Variants in TMEM38A observed in about 807,000 individuals in gnomAD.
TMEM38A encodes trimeric intracellular cation channel type A.
A neutral mutation model predicts 28.6 loss-of-function variants in TMEM38A; 17 were observed. The observed-to-expected ratio is 0.60, with a 90% confidence interval of 0.41 to 0.89. The LOEUF (loss-of-function observed/expected upper bound fraction) is 0.89, where lower values mean the gene tolerates loss of function less well. Among genes scored for constraint, TMEM38A ranks in the 40% least tolerant of loss-of-function variants. The pLI is 0.00. For synonymous variants in TMEM38A, 169 were observed against 166.1 expected (o/e 1.02, Z -0.14); for missense variants, 328 against 393.1 (o/e 0.83, Z 1.40).
At chr19:16,676,539 C>G (rs2086752291) in intron 1 of TMEM38A, among the ~76,000 whole-genome samples, 2 of 151,982 alleles carry the variant, frequency 1.3e-5, no homozygotes, top group African/African-American at 4.8e-5. Flanking sequence ...CAAAACGAAA[C>G]TAGTTGGGAA....
At chr19:16,686,512 C>G in intron 5 of TMEM38A, 107 bp downstream of exon 5, 4 of 825,004 alleles carry the variant, frequency 4.8e-6, no homozygotes, top group South Asian at 1.6e-5. Flanking sequence ...GTGGCTGGGA[C>G]AGGCAGCCCA....
chr19:16,666,105 C>T (rs975292543), intron 1 of TMEM38A, among the ~76,000 whole-genome samples: 1 of 152,016 alleles, frequency 6.6e-6, no homozygotes, highest in Non-Finnish European at 1.5e-5. Flanking sequence ...CTCAGCCTCC[C>T]GAGAAGCTGG....
intron 5 of TMEM38A, among the ~76,000 whole-genome samples, chr19:16,687,722 G>A (rs1471035071): frequency 6.6e-6 from 1 of 152,096 alleles, no homozygotes; most frequent in Non-Finnish European, 1.5e-5. Flanking sequence ...TGTCTTTCCT[G>A]AGGGCTCCAC....
Position 16,680,550 on chromosome 19 carries a change from G to A in TMEM38A, c.435G>A (p.Trp145Ter). Residue 145 changes from tryptophan (W) to a stop codon, truncating the protein, a stop_gained, in exon 3 of 6, where the codon TGG (tryptophan) becomes TGA (stop). Coordinates refer to ENST00000187762, the MANE Select transcript of TMEM38A (RefSeq NM_024074.4). LOFTEE classifies it high-confidence loss of function. ...CCCATCACCACTACCACCACGGGTG[G>A]TTCGTCATGATTGCAACTGGGTGGG... The part of the protein sequence containing the change: ...HHAHHHYHHG[W>*]FVMIATGWVK... 1 of 1,614,146 alleles carries A rather than the reference G, an allele frequency of 6.2e-7. No individual in the cohort carries two copies. Among genetic ancestry groups the A allele is most frequent in the Non-Finnish European group, 8.5e-7 (1 of 1,180,000 alleles).
chr19:16,665,625 G>A (rs982129976), intron 1 of TMEM38A, among the ~76,000 whole-genome samples: 1 of 152,192 alleles, frequency 6.6e-6, no homozygotes, highest in African/African-American at 2.4e-5. Flanking sequence ...GGGATCATTG[G>A]TAAGAGAACC....
At chr19:16,678,578 G>A (rs374016064) in intron 1 of TMEM38A, among the ~76,000 whole-genome samples, 14 of 151,766 alleles carry the variant, frequency 9.2e-5, no homozygotes, top group African/African-American at 2.9e-4. Context: ...TGGGCAACAT[G>A]GCGAAACCCC....
Position 16,680,094 on chromosome 19 carries a change from G to C in TMEM38A, c.235G>C (p.Asp79His). The change falls in exon 2 of 6, where the codon GAT becomes CAT. Residue 79 changes from aspartate to histidine, a missense_variant. By Grantham distance (81) the Asp-to-His change is moderately conservative. Coordinates refer to ENST00000187762, the MANE Select transcript of TMEM38A (RefSeq NM_024074.4). Reference sequence around the variant, plus strand: ...TCTGCTCCTTGGGGAGCCACTGATCGATTACTTCAGCAACAACTCCAGCAT... The same window carrying C: ...TCTGCTCCTTGGGGAGCCACTGATCCATTACTTCAGCAACAACTCCAGCAT... ...ADLLLGEPLI[D>H]YFSNNSSILL... 1 of 1,610,848 alleles carries C rather than the reference G, an allele frequency of 6.2e-7. No individual in the cohort carries two copies. Among genetic ancestry groups the C allele is most frequent in the Non-Finnish European group, 8.5e-7 (1 of 1,180,016 alleles).
chr19:16,680,359 T>C, intron 2 of TMEM38A, 38 bp from the exon 3 acceptor site: 1 of 1,608,216 alleles, frequency 6.2e-7, no homozygotes, highest in Non-Finnish European at 8.5e-7. Context: ...CTTCACAGTC[T>C]GCCCATCCCC....
intron 2 of TMEM38A, 106 bp from the exon 3 acceptor site, chr19:16,680,291 C>T (rs2086775945): frequency 4.0e-6 from 6 of 1,494,506 alleles, no homozygotes; most frequent in Non-Finnish European, 5.5e-6. Context: ...CATCTCTGGT[C>T]TAGGCACAGC....
chr19:16,675,716 T>C (rs557689951), intron 1 of TMEM38A, among the ~76,000 whole-genome samples: 1 of 151,822 alleles, frequency 6.6e-6, no homozygotes, highest in Non-Finnish European at 1.5e-5. Context: ...GCCCAGCTAA[T>C]TTTTGTATTT....
rs780607485 is a variant in TMEM38A at position 16,688,340 on chromosome 19, C to T, written c.869C>T (p.Ser290Phe). ...TCCAAGGAGGAGTTGAGCGAGGGCT[C>T]CAGGAAGAAGAAGGCCAAGAAGGCG... ...AKSKEELSEG[S>F]RKKKAKKAD The change falls in exon 6 of 6, where the codon TCC becomes TTC. Residue 290 changes from serine (S) to phenylalanine (F), a missense_variant. Ser to Phe is a radical substitution (Grantham distance 155, BLOSUM62 -2). Coordinates refer to ENST00000187762, the MANE Select transcript of TMEM38A (RefSeq NM_024074.4). 7 of 1,602,020 alleles carry T rather than the reference C, an allele frequency of 4.4e-6. No individual in the cohort carries two copies. In the African/African-American group the frequency reaches 9.4e-5, roughly 21 times the overall value.
At chr19:16,683,691 C>T (rs2086790448) in intron 4 of TMEM38A, among the ~76,000 whole-genome samples, 1 of 151,714 alleles carries the variant, frequency 6.6e-6, no homozygotes, top group Non-Finnish European at 1.5e-5. Context: ...CATCATTAGG[C>T]TGGGCACGGT....
intron 1 of TMEM38A, among the ~76,000 whole-genome samples, chr19:16,678,498 G>A (rs953757661): frequency 2.6e-5 from 4 of 151,034 alleles, no homozygotes; most frequent in South Asian, 2.1e-4. Flanking sequence ...GGTGTCTCAC[G>A]TCTATAATCC....
intron 1 of TMEM38A, among the ~76,000 whole-genome samples, chr19:16,663,738 G>A (rs893263051): frequency 6.0e-5 from 9 of 150,368 alleles, no homozygotes; most frequent in South Asian, 2.1e-4. Context: ...GGGTTTCACC[G>A]TATTAGCCAG....
chr19:16,681,230 G>A (rs932986457), intron 3 of TMEM38A, among the ~76,000 whole-genome samples: 5 of 152,180 alleles, frequency 3.3e-5, no homozygotes, highest in African/African-American at 4.8e-5. Context: ...CAACATTACA[G>A]TGAGCTATGA....
intron 2 of TMEM38A, 56 bp from the exon 3 acceptor site, chr19:16,680,340 AC>A (rs2086776084): frequency 1.3e-6 from 2 of 1,592,302 alleles, no homozygotes; most frequent in South Asian, 1.1e-5. Flanking sequence ...ACAGCTCCCT[AC>A]CCCCATCCTT....
At chr19:16,662,071 T>G (rs537632423) in intron 1 of TMEM38A, among the ~76,000 whole-genome samples, 1 of 152,232 alleles carries the variant, frequency 6.6e-6, no homozygotes, top group South Asian at 2.1e-4. Context: ...GATGAATGGC[T>G]TCCTTAGAAC....
At position 16,679,990 on chromosome 19, in the gene TMEM38A, T is replaced by C. The variant is rs2086773348; in HGVS notation, c.131T>C (p.Val44Ala). 1 of 1,603,506 alleles carries C rather than the reference T, an allele frequency of 6.2e-7. No individual in the cohort carries two copies. The highest frequency in any genetic ancestry group is 1.3e-5 in the African/African-American group (1 of 74,854). Residue 44 changes from valine to alanine, a missense_variant, in exon 2 of 6, where the codon GTC becomes GCC. Physicochemically the swap from Val to Ala is moderately conservative, Grantham distance 64. Transcript: ENST00000187762. Reference protein sequence around the residue: ...ILYLKYEPGAVELSRRHPIAS... With the variant: ...ILYLKYEPGAAELSRRHPIAS... ...ACACTCCTGTGCCTCCCAGGAGCAG[T>C]CGAACTGTCCCGGCGCCACCCCATC...
chr19:16,668,046 TAAAAATAC>T (rs1025609663), intron 1 of TMEM38A, among the ~76,000 whole-genome samples: 2 of 151,666 alleles, frequency 1.3e-5, no homozygotes, highest in African/African-American at 4.8e-5. Flanking sequence ...CTGTCTCTAC[TAAAAATAC>T]AAAAATTAGC....
Sources: allele counts gnomAD v4.1 joint callset (sites outside exome capture counted in the v4.1 genomes callset), GRCh38; gene constraint gnomAD v4.1.1; transcripts MANE v1.5; gene names NCBI Gene and HGNC (gene_info 2026-07-23, HGNC 2026-07-21).